EDA: variants seen among roughly 807,000 people sequenced by gnomAD.
EDA encodes ectodysplasin-A.
EDA carries 2 observed loss-of-function variants against 23.6 expected under a neutral mutation model. The observed-to-expected ratio is 0.08, with a 90% CI of 0.03 to 0.27. The LOEUF is 0.27. Ranked by LOEUF, EDA falls within the 10% of genes least tolerant of loss-of-function variation. The pLI, the probability that EDA is intolerant of heterozygous loss-of-function variation, is 1.00. For missense variants in EDA, 229 were observed against 324.2 expected (o/e 0.71, Z 2.26); for synonymous variants, 131 against 132.0 (o/e 0.99, Z 0.05).
At chrX:69,736,166 C>T (rs1427528902) in intron 1 of EDA, among the ~76,000 whole-genome samples, 2 of 109,520 alleles carry the variant, frequency 1.8e-5, no homozygotes, top group Non-Finnish European at 3.8e-5. Context: ...ATTAGCTGGG[C>T]GTGGTGGCGC....
intron 1 of EDA, among the ~76,000 whole-genome samples, chrX:69,801,547 G>GTTC (rs2015685801): frequency 9.0e-6 from 1 of 111,142 alleles, no homozygotes. Context: ...ATAAATTTCT[G>GTTC]TTCATCAAAA....
intron 1 of EDA, among the ~76,000 whole-genome samples, chrX:69,661,122 T>C (rs1202695763): frequency 1.5e-4 from 16 of 109,275 alleles, no homozygotes; most frequent in Non-Finnish European, 2.7e-4. Context: ...TTTCATGTGT[T>C]TTTTGGCTGC....
At chrX:69,732,299 G>T (rs1267810329) in intron 1 of EDA, among the ~76,000 whole-genome samples, 1 of 110,842 alleles carries the variant, frequency 9.0e-6, no homozygotes, top group Non-Finnish European at 1.9e-5. Flanking sequence ...CCCACCCTGT[G>T]TCCAAGTGTT....
At chrX:69,819,993 G>A (rs762795282) in intron 1 of EDA, among the ~76,000 whole-genome samples, 56 of 109,508 alleles carry the variant, frequency 5.1e-4, no homozygotes, top group Non-Finnish European at 8.4e-4. Flanking sequence ...ACTTCAAACC[G>A]TGCTACAAGG....
At chrX:69,782,388 A>AAC (rs1486994878) in intron 1 of EDA, among the ~76,000 whole-genome samples, 67 of 99,881 alleles carry the variant, frequency 6.7e-4, no homozygotes, top group Non-Finnish European at 1.3e-3. Context: ...AAAAAAAAAA[A>AAC]AAAACATTAA....
chrX:69,745,028 G>A lies in EDA; in HGVS notation c.396+128324G>A, dbSNP rs773246446. ...TTGGACTTCAGATTATTTTTCAATG[G>A]ATAGAGAGAAGGTATATTTCTCTAT... On this transcript the variant is annotated intron_variant, in intron 1 of 7. Coordinates refer to ENST00000374552, the MANE Select transcript of EDA (RefSeq NM_001399.5). 8.1e-4 allele frequency among the ~76,000 whole-genome samples: 90 copies of A among 111,553 alleles called. 1 individual carries two copies. The highest frequency in any genetic ancestry group is 1.1e-3 in the Non-Finnish European group (57 of 53,155).
chrX:70,035,734 T>A lies in EDA; in HGVS notation c.*125T>A. On this transcript the variant is annotated 3_prime_UTR_variant, in exon 8 of 8. Coordinates refer to ENST00000374552, the MANE Select transcript of EDA (RefSeq NM_001399.5). Reference sequence around the variant, plus strand: ...TTGCAGCCGCAGAGAAATGCCCCAGTGTTATTTATTCCCCAGTGACTCCAG... The same window carrying A: ...TTGCAGCCGCAGAGAAATGCCCCAGAGTTATTTATTCCCCAGTGACTCCAG... The A allele has an allele frequency of 1.1e-6, 1 of 878,143 alleles. No homozygotes were observed. The highest frequency in any genetic ancestry group is 1.6e-6 in the Non-Finnish European group (1 of 621,625). The allele number at this position is 878,143 out of a possible 1,213,427, so 72.4% of individuals were successfully genotyped here.
At chrX:69,840,401 G>C (rs1343920375) in intron 1 of EDA, among the ~76,000 whole-genome samples, 1 of 111,354 alleles carries the variant, frequency 9.0e-6, no homozygotes, top group African/African-American at 3.3e-5. Flanking sequence ...TGCTTATTTT[G>C]TTTACTTTTG....
chrX:69,621,450 C>G (rs1260879874), intron 1 of EDA, among the ~76,000 whole-genome samples: 2 of 111,812 alleles, frequency 1.8e-5, no homozygotes, highest in Non-Finnish European at 3.8e-5. Context: ...GTCACCAGCA[C>G]CCAGGTCAAG....
In EDA at chrX:69,662,113, A is replaced by G. The variant is rs1434721328; in HGVS notation, c.396+45409A>G. Reference sequence around the variant, plus strand: ...CTATTTGTTATCCTCTGACCTACATACATCTCTCCATTTTCTCCCTCAAGC... The same window carrying G: ...CTATTTGTTATCCTCTGACCTACATGCATCTCTCCATTTTCTCCCTCAAGC... On this transcript the variant is annotated intron_variant, in intron 1 of 7. Transcript: ENST00000374552. Among the ~76,000 whole-genome samples the G allele has an allele frequency of 3.6e-5, 4 of 111,536 alleles. No individual in the cohort carries two copies. The East Asian group carries it at 1.1e-3, about 32-fold the overall frequency.
chrX:69,753,901 G>GA (rs1309678289), intron 1 of EDA, among the ~76,000 whole-genome samples: 6 of 3,340 alleles, frequency 1.8e-3, no homozygotes, highest in Non-Finnish European at 2.6e-3. Flanking sequence ...TGCAATCCCT[G>GA]CTTTTTTTTT....
chrX:69,711,400 T>C (rs2012025193), intron 1 of EDA, among the ~76,000 whole-genome samples: 1 of 111,580 alleles, frequency 9.0e-6, no homozygotes, highest in Non-Finnish European at 1.9e-5. Context: ...TTTGCCAGTA[T>C]TTTATTGAGG....
At chrX:69,926,215 C>T (rs1011848455) in intron 1 of EDA, among the ~76,000 whole-genome samples, 1 of 110,394 alleles carries the variant, frequency 9.1e-6, no homozygotes, top group African/African-American at 3.3e-5. Context: ...GATTAGTTTG[C>T]TCTTGCCTCT....
At chrX:69,669,087 A>C (rs1025515784) in intron 1 of EDA, among the ~76,000 whole-genome samples, 1 of 111,974 alleles carries the variant, frequency 8.9e-6, no homozygotes, top group Non-Finnish European at 1.9e-5. Flanking sequence ...AGATATAAGC[A>C]CAGCCACTTT....
At chrX:69,793,634 C>G (rs5980853) in intron 1 of EDA, among the ~76,000 whole-genome samples, 2 of 76,330 alleles carry the variant, frequency 2.6e-5, no homozygotes, top group Admixed American at 1.9e-4. Flanking sequence ...GCAGATCTTT[C>G]TGAGGATAGC....
At chrX:69,928,459 T>A (rs1268883139) in intron 1 of EDA, among the ~76,000 whole-genome samples, 1 of 111,861 alleles carries the variant, frequency 8.9e-6, no homozygotes, top group Non-Finnish European at 1.9e-5. Flanking sequence ...CCATGTTATG[T>A]TGTATGTTAC....
rs1262666272 is a variant in EDA, at chrX:69,825,692, A to G, written c.397-131335A>G. 2.7e-5 allele frequency among the ~76,000 whole-genome samples: 3 copies of G among 112,288 alleles called. No homozygotes were observed. In the Admixed American group the frequency reaches 2.8e-4, roughly 11 times the overall value. On this transcript the variant is annotated intron_variant, in intron 1 of 7. Coordinates refer to ENST00000374552, the MANE Select transcript of EDA (RefSeq NM_001399.5). ...TTTTTGAAGGGTTTTTTGTGTCTCT[A>G]TTTCCTTCAGTTCTGCTCTGATTTT...
At chrX:69,708,503 A>C (rs751840542) in intron 1 of EDA, among the ~76,000 whole-genome samples, 1 of 108,956 alleles carries the variant, frequency 9.2e-6, no homozygotes, top group South Asian at 4.0e-4. Context: ...GCTGTGCTGG[A>C]ACTGGGGCTA....
intron 1 of EDA, among the ~76,000 whole-genome samples, chrX:69,864,103 A>G (rs931010495): frequency 1.8e-5 from 2 of 111,614 alleles, no homozygotes; most frequent in Non-Finnish European, 3.8e-5. Context: ...TTTGTTTTAT[A>G]GAAGTATAAT....
Sources: gnomAD v4.1 joint callset for allele counts (sites outside exome capture counted in the v4.1 genomes callset) on GRCh38, gnomAD v4.1.1 for gene constraint, MANE v1.5 for transcripts, NCBI Gene and HGNC (gene_info 2026-07-23, HGNC 2026-07-21) for gene names.